Variants in MMP17 observed in about 807,000 individuals in gnomAD.
MMP17 encodes matrix metallopeptidase 17.
MMP17 carries 54 observed loss-of-function variants against 49.1 expected under a neutral mutation model. The observed-to-expected ratio is 1.10, with a 90% CI of 0.88 to 1.38. The LOEUF is 1.38. MMP17 is among the 40% of genes most tolerant of loss of function. MMP17 has a pLI of 0.00. For synonymous variants in MMP17, 397 were observed against 383.1 expected, an observed-to-expected ratio of 1.04 and a Z score of -0.42; for missense variants, 837 against 853.7, an observed-to-expected ratio of 0.98 and a Z score of 0.24.
At chr12:131,848,829 T>C (rs1158264132) in intron 8 of MMP17, among the ~76,000 whole-genome samples, 1 of 152,210 alleles carries the variant, frequency 6.6e-6, no homozygotes, top group Non-Finnish European at 1.5e-5. Context: ...TCACTTGGGT[T>C]TCCTCTACTC....
intron 5 of MMP17, among the ~76,000 whole-genome samples, chr12:131,843,719 C>T (rs937237904): frequency 4.6e-5 from 7 of 152,220 alleles, no homozygotes; most frequent in African/African-American, 1.7e-4. Flanking sequence ...GGTGTACGAG[C>T]TCCTGTGGGA....
rs1207784761 is a variant in MMP17, at chr12:131,846,505, C to T, written c.1204+1056C>T. Among the ~76,000 whole-genome samples the T allele has an allele frequency of 6.6e-6, 1 of 152,146 alleles. No homozygotes were observed. Among genetic ancestry groups the T allele is most frequent in the Non-Finnish European group, 1.5e-5 (1 of 68,028 alleles). Reference sequence around the variant, plus strand: ...TCTCCTGCCTCAGCCTCCCTAGTAGCTGGGATTACAAGGTGCCCGCCACCA... The same window carrying T: ...TCTCCTGCCTCAGCCTCCCTAGTAGTTGGGATTACAAGGTGCCCGCCACCA... On this transcript the variant is annotated intron_variant, in intron 8 of 9. Coordinates refer to ENST00000360564, the MANE Select transcript of MMP17 (RefSeq NM_016155.7). This position sits in a 1 kb window ranked among gnomAD's most constrained non-coding sequence, Gnocchi z 4.6.
In MMP17 at chr12:131,844,786, T is replaced by TTGGGGTCCCGTGGCG. The variant is rs755897092; in HGVS notation, c.969-312_969-298dup. 1,214 of 356,342 alleles carry TTGGGGTCCCGTGGCG rather than the reference T, an allele frequency of 3.4e-3. 7 individuals are homozygous for TTGGGGTCCCGTGGCG. Among genetic ancestry groups the TTGGGGTCCCGTGGCG allele is most frequent in the Middle Eastern group, 4.3e-3 (5 of 1,172 alleles). 22.1% of individuals were successfully genotyped at this position (356,342 alleles called of 1,614,324 possible). ...GTAGGACCGAATTCTAGGCCCGGGC[T>TTGGGGTCCCGTGGCG]TGGGGTCCCGTGGCGTGGGGTCCCG... On this transcript the variant is annotated intron_variant, in intron 6 of 9. Transcript: ENST00000360564.
chr12:131,837,416 C>T (rs1392566251), intron 1 of MMP17, among the ~76,000 whole-genome samples: 1 of 152,236 alleles, frequency 6.6e-6, no homozygotes, highest in African/African-American at 2.4e-5. Context: ...TAAGCCACAG[C>T]ACCGGCCAAG....
chr12:131,850,119 A>G (rs1887901614), intron 9 of MMP17, 60 bp downstream of exon 9: 7 of 1,527,534 alleles, frequency 4.6e-6, no homozygotes, highest in Non-Finnish European at 6.2e-6. Flanking sequence ...GGAGAGGGGC[A>G]TCACTACAGG....
intron 1 of MMP17, among the ~76,000 whole-genome samples, chr12:131,834,721 C>G (rs1886991663): frequency 6.6e-6 from 1 of 152,050 alleles, no homozygotes; most frequent in Admixed American, 6.6e-5. Flanking sequence ...GGACTGTGCT[C>G]CAGGCCTGGT....
chr12:131,851,380 A>G lies in MMP17; in HGVS notation c.*106A>G. ...GGGGAGGTGCTGGCGCGGGATGAGGACGGGCCACCCTGGCACCGGAAGGCC... is the reference window on the plus strand; with the variant it reads ...GGGGAGGTGCTGGCGCGGGATGAGGGCGGGCCACCCTGGCACCGGAAGGCC... On this transcript the variant is annotated 3_prime_UTR_variant, in exon 10 of 10. Coordinates refer to ENST00000360564, the MANE Select transcript of MMP17 (RefSeq NM_016155.7). The G allele has an allele frequency of 9.4e-7, 1 of 1,065,704 alleles. No individual in the cohort carries two copies. Among genetic ancestry groups the G allele is most frequent in the Non-Finnish European group, 1.2e-6 (1 of 817,012 alleles). 66.0% of individuals were successfully genotyped at this position (1,065,704 alleles called of 1,614,324 possible).
At chr12:131,835,175 T>C (rs1887018504) in intron 1 of MMP17, among the ~76,000 whole-genome samples, 1 of 152,116 alleles carries the variant, frequency 6.6e-6, no homozygotes, top group African/African-American at 2.4e-5. Flanking sequence ...CAAACTCGTG[T>C]TAGGTAGGAG....
intron 8 of MMP17, among the ~76,000 whole-genome samples, chr12:131,845,953 C>T (rs1254821163): frequency 6.6e-6 from 1 of 152,186 alleles, no homozygotes; most frequent in Non-Finnish European, 1.5e-5. Context: ...GCCGTGGCTG[C>T]TAGGGCCGGC....
Position 131,843,943 on chromosome 12 carries a change from G to C in MMP17, c.884-54G>C, listed in dbSNP as rs552841997. 6.8e-4 allele frequency: 890 copies of C among 1,313,912 alleles called. 8 individuals are homozygous for C. In the South Asian group the frequency reaches 9.9e-3, roughly 15 times the overall value. The allele number at this position is 1,313,912 out of a possible 1,614,324, so 81.4% of individuals were successfully genotyped here. A position where few individuals can be genotyped will look rare whatever the true frequency, so the allele number is the denominator to read the frequency against. ...GGATTCAGAAGGGCTGGTGGGATGT[G>C]GGGGGAGGCGGGCGTCGGGGGTTTG... On this transcript the variant is annotated intron_variant, in intron 5 of 9. Coordinates refer to ENST00000360564, the MANE Select transcript of MMP17 (RefSeq NM_016155.7).
intron 5 of MMP17, among the ~76,000 whole-genome samples, chr12:131,843,673 C>T (rs988205979): frequency 2.0e-5 from 3 of 152,230 alleles, no homozygotes; most frequent in African/African-American, 7.2e-5. Context: ...TGGGTTGTCA[C>T]CCCTGTTGGC....
chr12:131,839,380 A>G (rs1189813416), intron 3 of MMP17, among the ~76,000 whole-genome samples: 1 of 151,188 alleles, frequency 6.6e-6, no homozygotes, highest in East Asian at 1.9e-4. Flanking sequence ...TGGCGCAGTC[A>G]CAGCTCACTG....
At position 131,851,030 on chromosome 12, in the gene MMP17, G is replaced by A; in HGVS notation, c.1568G>A (p.Cys523Tyr). The A allele has an allele frequency of 6.2e-7, 1 of 1,609,228 alleles. No homozygotes were observed. The highest frequency in any genetic ancestry group is 8.5e-7 in the Non-Finnish European group (1 of 1,178,290). Reference sequence around the variant, plus strand: ...TCCACGGCCCGGGACTGGCTGGTGTGTGGAGACTCACAGGCCGATGGATCT... The same window carrying A: ...TCCACGGCCCGGGACTGGCTGGTGTATGGAGACTCACAGGCCGATGGATCT... ...PQSTARDWLVCGDSQADGSVA... is the reference protein window; with the variant it reads ...PQSTARDWLVYGDSQADGSVA... Residue 523 changes from cysteine (C) to tyrosine (Y), a missense_variant, in exon 10 of 10, where the codon TGT (cysteine) becomes TAT (tyrosine). Cys to Tyr is a radical substitution (Grantham distance 194). Coordinates refer to ENST00000360564, the MANE Select transcript of MMP17 (RefSeq NM_016155.7).
chr12:131,831,215 A>G (rs1048487941), intron 1 of MMP17, among the ~76,000 whole-genome samples: 6 of 152,270 alleles, frequency 3.9e-5, no homozygotes, highest in Admixed American at 3.3e-4. Context: ...CCTGGGTGGC[A>G]GTTGTGTGGT....
At chr12:131,829,059 G>A (rs547326261) in intron 1 of MMP17, among the ~76,000 whole-genome samples, 3 of 152,208 alleles carry the variant, frequency 2.0e-5, no homozygotes, top group Non-Finnish European at 2.9e-5. Flanking sequence ...AGTGGCGGGG[G>A]CAGGAGCACG....
At chr12:131,834,714 CTG>C (rs1886991122) in intron 1 of MMP17, among the ~76,000 whole-genome samples, 3 of 152,072 alleles carry the variant, frequency 2.0e-5, no homozygotes, top group Admixed American at 2.0e-4. Context: ...TGCCCCAGGA[CTG>C]TGCTCCAGGC....
chr12:131,850,086 A>C (rs1484516032), intron 9 of MMP17, 27 bp downstream of exon 9: 3 of 1,580,936 alleles, frequency 1.9e-6, no homozygotes, highest in Non-Finnish European at 2.6e-6. Context: ...GGGACGGGCC[A>C]TGCGGCCTTG....
intron 1 of MMP17, among the ~76,000 whole-genome samples, chr12:131,831,950 G>A: frequency 4.9e-4 from 1 of 2,042 alleles, no homozygotes. Context: ...CTGGGGGAGG[G>A]ACCGGAAGGG....
chr12:131,829,598 C>A (rs541234804), intron 1 of MMP17, among the ~76,000 whole-genome samples: 2 of 152,332 alleles, frequency 1.3e-5, no homozygotes, highest in African/African-American at 2.4e-5. Context: ...CACAAGTACT[C>A]GGCCTGGCCC....
Sources: allele counts gnomAD v4.1 joint callset (sites outside exome capture counted in the v4.1 genomes callset), GRCh38; gene constraint gnomAD v4.1.1; non-coding constraint Gnocchi (gnomAD v3.1); transcripts MANE v1.5; gene names NCBI Gene and HGNC (gene_info 2026-07-23, HGNC 2026-07-21).